ENOX1: variants seen among roughly 807,000 people sequenced by gnomAD.
ENOX1 encodes candidate growth-related and time keeping constitutive hydroquinone (NADH) oxidase.
Under a neutral mutation model 82.5 loss-of-function variants are expected in ENOX1, and 42 were observed. That is an observed-to-expected ratio of 0.51 (90% confidence interval 0.40 to 0.66). ENOX1 has a LOEUF of 0.66. ENOX1 is among the 30% of genes least tolerant of loss of function. ENOX1 has a pLI of 0.00. For missense variants in ENOX1, 608 were observed against 811.6 expected, an observed-to-expected ratio of 0.75 and a Z score of 3.05; for synonymous variants, 271 against 282.2, an observed-to-expected ratio of 0.96 and a Z score of 0.40.
chr13:43,439,959 T>A (rs769774042), intron 3 of ENOX1, among the ~76,000 whole-genome samples: 29 of 152,232 alleles, frequency 1.9e-4, no homozygotes, highest in Non-Finnish European at 4.1e-4. Context: ...ATCAAAAGCA[T>A]ACAGCTATAG....
chr13:43,395,998 T>C (rs1287881066), intron 5 of ENOX1, among the ~76,000 whole-genome samples: 1 of 152,250 alleles, frequency 6.6e-6, no homozygotes, highest in Non-Finnish European at 1.5e-5. Context: ...GGCCACTTAT[T>C]TGAGATTTCA....
chr13:43,682,405 G>T (rs1427427851), intron 1 of ENOX1, among the ~76,000 whole-genome samples: 1 of 152,116 alleles, frequency 6.6e-6, no homozygotes, highest in Non-Finnish European at 1.5e-5. Flanking sequence ...TAGTAGGCTA[G>T]ACCTGCAGAA....
At chr13:43,634,746 G>A (rs1010569650) in intron 2 of ENOX1, among the ~76,000 whole-genome samples, 5 of 152,226 alleles carry the variant, frequency 3.3e-5, no homozygotes, top group Non-Finnish European at 7.3e-5. Context: ...GGGTATGTAA[G>A]TGGAAAGGTG....
chr13:43,605,133 AT>A (rs746565281), intron 2 of ENOX1, among the ~76,000 whole-genome samples: 2 of 152,156 alleles, frequency 1.3e-5, no homozygotes, highest in Non-Finnish European at 2.9e-5. Context: ...AATGAAAATA[AT>A]AAAATACTGA....
intron 2 of ENOX1, among the ~76,000 whole-genome samples, chr13:43,631,494 G>A (rs2083215158): frequency 6.6e-6 from 1 of 152,140 alleles, no homozygotes; most frequent in Non-Finnish European, 1.5e-5. Context: ...AGAACTGCTA[G>A]GAATCGGGAA....
At chr13:43,434,317 T>C (rs2055864287) in intron 3 of ENOX1, among the ~76,000 whole-genome samples, 1 of 152,208 alleles carries the variant, frequency 6.6e-6, no homozygotes, top group African/African-American at 2.4e-5. Context: ...AAGCAAGGGT[T>C]GAGACATCCA....
intron 3 of ENOX1, among the ~76,000 whole-genome samples, chr13:43,433,742 C>T (rs1002238496): frequency 6.6e-6 from 1 of 152,166 alleles, no homozygotes; most frequent in African/African-American, 2.4e-5. Flanking sequence ...TGTTCCATGG[C>T]CAATTTGCCA....
chr13:43,311,935 G>A (rs1213532519), intron 11 of ENOX1, among the ~76,000 whole-genome samples: 2 of 152,166 alleles, frequency 1.3e-5, no homozygotes, highest in Admixed American at 6.5e-5. Flanking sequence ...GAAAAGTCTA[G>A]TATTGCATGT....
intron 2 of ENOX1, among the ~76,000 whole-genome samples, chr13:43,524,782 T>C (rs1466064134): frequency 6.6e-6 from 1 of 152,092 alleles, no homozygotes; most frequent in East Asian, 1.9e-4. Context: ...CAAAGAGTGC[T>C]TCTACAACTC....
intron 9 of ENOX1, among the ~76,000 whole-genome samples, chr13:43,337,501 T>A (rs2048782541): frequency 6.6e-6 from 1 of 152,144 alleles, no homozygotes; most frequent in South Asian, 2.1e-4. Context: ...CAAGGTTTCA[T>A]GGAGGAAATG....
intron 2 of ENOX1, among the ~76,000 whole-genome samples, chr13:43,576,893 G>A (rs2080451630): frequency 6.6e-6 from 1 of 152,152 alleles, no homozygotes; most frequent in Non-Finnish European, 1.5e-5. Flanking sequence ...CATATAGTCA[G>A]TCCAAAATAC....
intron 11 of ENOX1, among the ~76,000 whole-genome samples, chr13:43,312,774 AT>A (rs1393090813): frequency 6.6e-6 from 1 of 152,134 alleles, no homozygotes; most frequent in South Asian, 2.1e-4. Context: ...TAAGGGTGGC[AT>A]TTCTGTTGGG....
chr13:43,353,220 T>C (rs1401720801), intron 8 of ENOX1, among the ~76,000 whole-genome samples: 1 of 152,176 alleles, frequency 6.6e-6, no homozygotes, highest in African/African-American at 2.4e-5. Flanking sequence ...AAAATAATTA[T>C]TTTTACTGAG....
chr13:43,782,034 GA>G (rs1227112469), intron 1 of ENOX1, among the ~76,000 whole-genome samples: 1 of 152,158 alleles, frequency 6.6e-6, no homozygotes, highest in Non-Finnish European at 1.5e-5. Context: ...TAAGAAAATT[GA>G]AAACATAAAT....
intron 15 of ENOX1, among the ~76,000 whole-genome samples, chr13:43,232,601 C>T (rs2042339680): frequency 6.6e-6 from 1 of 152,176 alleles, no homozygotes; most frequent in Admixed American, 6.5e-5. Flanking sequence ...TGGTTTTGTG[C>T]ACGTGTGAGA....
chr13:43,267,637 T>C (rs557430054), intron 13 of ENOX1, among the ~76,000 whole-genome samples: 4 of 152,254 alleles, frequency 2.6e-5, no homozygotes, highest in Non-Finnish European at 4.4e-5. Flanking sequence ...AAGGCAGTGG[T>C]CAGTGGAGGT....
intron 5 of ENOX1, among the ~76,000 whole-genome samples, chr13:43,365,945 T>C (rs966339245): frequency 4.6e-5 from 7 of 152,222 alleles, no homozygotes; most frequent in African/African-American, 1.7e-4. Context: ...CATGCAATTG[T>C]GCTGCTTCTT....
At chr13:43,219,147 C>T (rs368572474) in intron 16 of ENOX1, among the ~76,000 whole-genome samples, 2 of 152,202 alleles carry the variant, frequency 1.3e-5, no homozygotes, top group African/African-American at 2.4e-5. Flanking sequence ...CTTCTGTTCA[C>T]ACATGGAGCC....
chr13:43,279,814 G>C (rs2045273861), intron 12 of ENOX1, among the ~76,000 whole-genome samples: 1 of 152,232 alleles, frequency 6.6e-6, no homozygotes, highest in Admixed American at 6.5e-5. Context: ...AATATTCAGA[G>C]AGAAAGGTCG....
Sources: gnomAD v4.1 joint callset for allele counts (sites outside exome capture counted in the v4.1 genomes callset) on GRCh38, gnomAD v4.1.1 for gene constraint, MANE v1.5 for transcripts, NCBI Gene and HGNC (gene_info 2026-07-23, HGNC 2026-07-21) for gene names.